The following ABRACL variants were observed in gnomAD, a reference collection of about 807,000 sequenced individuals.
The protein encoded by ABRACL is ABRA C-terminal like, also known as costars family protein ABRACL.
ABRACL carries 4 observed loss-of-function variants against 7.0 expected under a neutral mutation model. The ratio of observed to expected loss-of-function variants is 0.57; its 90% confidence interval spans 0.28 to 1.30. The LOEUF (loss-of-function observed/expected upper bound fraction) is 1.30. ABRACL is among the 50% of genes most tolerant of loss of function. ABRACL has a pLI of 0.10. For synonymous variants in ABRACL, 30 were observed against 36.0 expected (o/e 0.83, Z 0.60); for missense variants, 104 against 97.3 (o/e 1.07, Z -0.29).
At chr6:139,041,449 CTCTATA>C (rs746903195) in intron 2 of ABRACL, among the ~76,000 whole-genome samples, 54 of 81,868 alleles carry the variant, frequency 6.6e-4, no homozygotes, top group Non-Finnish European at 1.1e-3. Flanking sequence ...CTCTCTCTCT[CTCTATA>C]TATATATATA....
chr6:139,032,006 G>GTTGGA (rs1455110548), intron 1 of ABRACL, among the ~76,000 whole-genome samples: 2 of 150,896 alleles, frequency 1.3e-5, no homozygotes, highest in African/African-American at 4.9e-5. Flanking sequence ...TGTCGCCCAG[G>GTTGGA]TTGGAGTGCA....
At chr6:139,037,958 C>A (rs921317507) in intron 2 of ABRACL, among the ~76,000 whole-genome samples, 1 of 150,780 alleles carries the variant, frequency 6.6e-6, no homozygotes, top group Non-Finnish European at 1.5e-5. Flanking sequence ...TGTATTTTTA[C>A]TAGAGACAGT....
intron 2 of ABRACL, among the ~76,000 whole-genome samples, chr6:139,039,836 A>G (rs1021217412): frequency 6.6e-6 from 1 of 152,096 alleles, no homozygotes; most frequent in African/African-American, 2.4e-5. Context: ...AGTAGCCTTG[A>G]TGAGGTGGCT....
chr6:139,035,775 A>G (rs1236315668), intron 2 of ABRACL, among the ~76,000 whole-genome samples: 2 of 148,194 alleles, frequency 1.3e-5, no homozygotes, highest in Non-Finnish European at 3.0e-5. Context: ...GAGCCACCAC[A>G]CCCGGCCTAG....
chr6:139,041,830 G>GCC (rs1189196196), intron 2 of ABRACL, among the ~76,000 whole-genome samples: 1 of 152,068 alleles, frequency 6.6e-6, no homozygotes, highest in Non-Finnish European at 1.5e-5. Context: ...CCTTATGTCT[G>GCC]CCCCTAGTGT....
At chr6:139,042,659 C>A in intron 2 of ABRACL, 60 bp from the exon 3 acceptor site, 1 of 1,472,428 alleles carries the variant, frequency 6.8e-7, no homozygotes, top group Non-Finnish European at 9.3e-7. Flanking sequence ...TGTAAGTCTT[C>A]CATACTTGAG....
rs987953571 is a variant in ABRACL, at chr6:139,042,976, C to T, written c.*73C>T. ...CTGGAATATAAAGTGAAAGAACAAACATTTGAACATACTTAATGTATTTTT... is the reference window on the plus strand; with the variant it reads ...CTGGAATATAAAGTGAAAGAACAAATATTTGAACATACTTAATGTATTTTT... On this transcript the variant is annotated 3_prime_UTR_variant, in exon 3 of 3. Transcript: ENST00000367660. 22 of 1,230,516 alleles carry T rather than the reference C, an allele frequency of 1.8e-5. No homozygotes were observed. Among genetic ancestry groups the T allele is most frequent in the Non-Finnish European group, 2.1e-5 (19 of 895,482 alleles). The allele number at this position is 1,230,516 out of a possible 1,614,324, so 76.2% of individuals were successfully genotyped here.
chr6:139,038,077 G>T (rs895200470), intron 2 of ABRACL, among the ~76,000 whole-genome samples: 54 of 152,096 alleles, frequency 3.6e-4, no homozygotes, highest in Admixed American at 2.8e-3. Context: ...GGGCCCAGCC[G>T]TGCATTACTA....
At chr6:139,041,062 A>G (rs1786236381) in intron 2 of ABRACL, among the ~76,000 whole-genome samples, 1 of 152,208 alleles carries the variant, frequency 6.6e-6, no homozygotes, top group African/African-American at 2.4e-5. Flanking sequence ...AGTAGATGGC[A>G]GAGATTTCAA....
chr6:139,041,531 A>ATATATATTTTTTTTT (rs748288046), intron 2 of ABRACL, among the ~76,000 whole-genome samples: 3 of 126,038 alleles, frequency 2.4e-5, no homozygotes, highest in East Asian at 4.6e-4. Context: ...ATATATATAT[A>ATATATATTTTTTTTT]TTTTTTTTTA....
chr6:139,041,451 C>CTATATA (rs1554211122), intron 2 of ABRACL, among the ~76,000 whole-genome samples: 1,350 of 109,972 alleles, frequency 0.012, 14 homozygotes, highest in African/African-American at 0.018. Flanking sequence ...CTCTCTCTCT[C>CTATATA]TATATATATA....
chr6:139,030,834 T>C (rs1379297201), intron 1 of ABRACL, among the ~76,000 whole-genome samples: 1 of 152,188 alleles, frequency 6.6e-6, no homozygotes, highest in Non-Finnish European at 1.5e-5. Context: ...ATCCTTAAAA[T>C]AGAGGTAAAT....
chr6:139,029,959 G>A (rs903484211), intron 1 of ABRACL, among the ~76,000 whole-genome samples: 1 of 152,096 alleles, frequency 6.6e-6, no homozygotes. Flanking sequence ...GTGAGTTTCG[G>A]GTTCTGCCCA....
At chr6:139,031,487 A>G (rs1478024527) in intron 1 of ABRACL, among the ~76,000 whole-genome samples, 1 of 152,232 alleles carries the variant, frequency 6.6e-6, no homozygotes, top group African/African-American at 2.4e-5. Context: ...TGCAAGTAAT[A>G]GAAACTCAAT....
intron 2 of ABRACL, among the ~76,000 whole-genome samples, chr6:139,038,503 G>A (rs1422663285): frequency 6.6e-6 from 1 of 152,202 alleles, no homozygotes; most frequent in Non-Finnish European, 1.5e-5. Flanking sequence ...TGTATGAGCT[G>A]AGGATGAAAA....
At position 139,042,888 on chromosome 6, in the gene ABRACL, A is replaced by G. The variant is rs1215956714; in HGVS notation, c.231A>G (p.Ile77Met). Residue 77 changes from isoleucine (I) to methionine (M), a missense_variant, in exon 3 of 3, where the codon ATA becomes ATG. Transcript: ENST00000367660. ...LQGVHDDVDI[I>M]LLQD ...GTGTTCATGATGATGTTGACATTAT[A>G]TTACTGCAAGATTAATGTGGTTTAC... 1.9e-6 allele frequency: 3 copies of G among 1,609,938 alleles called. No homozygotes were observed. The highest frequency in any genetic ancestry group is 3.4e-5 in the Admixed American group (2 of 59,092).
rs138746612 is a variant in ABRACL, at chr6:139,037,878, A to G, written c.61+3657A>G. 7.1e-3 allele frequency among the ~76,000 whole-genome samples: 1,073 copies of G among 150,954 alleles called. 17 individuals carry two copies. Among genetic ancestry groups the G allele is most frequent in the African/African-American group, 0.024 (981 of 41,116 alleles). On this transcript the variant is annotated intron_variant, in intron 2 of 2. Coordinates refer to ENST00000367660, the MANE Select transcript of ABRACL (RefSeq NM_021243.3). ...TGCAACCTCTGCCTCCTGGGTTCAA[A>G]CAATTCTCCTGCCTCAGCCTCCTGA...
chr6:139,043,193 T>C lies in ABRACL; in HGVS notation c.*290T>C, dbSNP rs1181016273. ...TGTTTGTTCATAAATAATTAGACATTTTCTATAGATATTTGACATTCTGCG... is the reference window on the plus strand; with the variant it reads ...TGTTTGTTCATAAATAATTAGACATCTTCTATAGATATTTGACATTCTGCG... On this transcript the variant is annotated 3_prime_UTR_variant, in exon 3 of 3. Coordinates refer to ENST00000367660, the MANE Select transcript of ABRACL (RefSeq NM_021243.3). The C allele has an allele frequency of 4.1e-5, 9 of 221,820 alleles. No homozygotes were observed. Among genetic ancestry groups the C allele is most frequent in the Non-Finnish European group, 8.7e-6 (1 of 114,662 alleles). 13.7% of individuals were successfully genotyped at this position (221,820 alleles called of 1,614,324 possible). A position where few individuals can be genotyped will look rare whatever the true frequency, so the allele number is the denominator to read the frequency against.
chr6:139,041,481 C>CTATA (rs1162897563), intron 2 of ABRACL, among the ~76,000 whole-genome samples: 19 of 74,022 alleles, frequency 2.6e-4, no homozygotes, highest in South Asian at 1.2e-3. Flanking sequence ...TTCTATATTT[C>CTATA]TATATATATA....
Sources: allele counts gnomAD v4.1 joint callset (sites outside exome capture counted in the v4.1 genomes callset), GRCh38; gene constraint gnomAD v4.1.1; transcripts MANE v1.5; gene names NCBI Gene and HGNC (gene_info 2026-07-23, HGNC 2026-07-21).